CFAP251: variants seen among roughly 807,000 people sequenced by gnomAD.
CFAP251 encodes the protein cilia- and flagella-associated protein 251.
CFAP251 carries 93 observed loss-of-function variants against 126.7 expected under a neutral mutation model. The ratio of observed to expected loss-of-function variants is 0.73; its 90% CI spans 0.62 to 0.87. The LOEUF is 0.87. Among genes scored for constraint, CFAP251 ranks in the 40% least tolerant of loss-of-function variants. The pLI is 0.00. For synonymous variants in CFAP251, 503 were observed against 506.9 expected (o/e 0.99, Z 0.10); for missense variants, 1,287 against 1,389.2 (o/e 0.93, Z 1.17).
intron 13 of CFAP251, chr12:121,959,449 A>C: frequency 5.5e-6 from 1 of 182,338 alleles, no homozygotes; most frequent in Non-Finnish European, 1.1e-5. Context: ...GTCTTCGCTA[A>C]ACTCCTGTCC....
intron 5 of CFAP251, among the ~76,000 whole-genome samples, chr12:121,941,221 G>A (rs1222159472): frequency 6.6e-5 from 10 of 151,486 alleles, no homozygotes; most frequent in Admixed American, 5.3e-4. Context: ...TAGTAGAGAC[G>A]GGGTTTCACC....
At chr12:121,967,211 A>T (rs1045075873) in intron 16 of CFAP251, 142 bp downstream of exon 16, 4 of 697,168 alleles carry the variant, frequency 5.7e-6, no homozygotes, top group East Asian at 5.5e-5. Context: ...TGTGATACTG[A>T]AAATTGCCCT....
intron 10 of CFAP251, among the ~76,000 whole-genome samples, chr12:121,956,187 C>T (rs1312659453): frequency 2.0e-5 from 3 of 152,214 alleles, no homozygotes; most frequent in African/African-American, 4.8e-5. Context: ...TTTATGATCA[C>T]ACTAACAGTA....
At position 121,924,003 on chromosome 12, in the gene CFAP251, C is replaced by A. The variant is rs770968035; in HGVS notation, c.747+13C>A. On this transcript the variant is annotated intron_variant, in intron 3 of 21. Coordinates refer to ENST00000288912, the MANE Select transcript of CFAP251 (RefSeq NM_144668.6). ...GGTGTATCCCTTGGTAAGTGTAATG[C>A]TTTTAAATCTCCCCCAGTGCTTTTG... 6.6e-7 allele frequency: 1 copy of A among 1,511,108 alleles called. No individual in the cohort carries two copies. Among genetic ancestry groups the A allele is most frequent in the Non-Finnish European group, 8.8e-7 (1 of 1,138,636 alleles). The allele number at this position is 1,511,108 out of a possible 1,614,324, so 93.6% of individuals were successfully genotyped here. A position where few individuals can be genotyped will look rare whatever the true frequency, so the allele number is the denominator to read the frequency against.
In CFAP251 at chr12:121,979,700, G is replaced by T. The variant is rs543354004; in HGVS notation, c.3006+4015G>T. 5.5e-4 allele frequency among the ~76,000 whole-genome samples: 84 copies of T among 151,476 alleles called. 1 individual carries two copies. Among genetic ancestry groups the T allele is most frequent in the Non-Finnish European group, 6.0e-4 (41 of 67,910 alleles). ...CTGCCTCAGCCTCCCGAGTAACTGG[G>T]ATTACAGGCATGCACCACCATGCCT... On this transcript the variant is annotated intron_variant, in intron 19 of 21. Transcript: ENST00000288912.
In CFAP251 at chr12:121,942,900, A is replaced by G. The variant is rs763991702; in HGVS notation, c.1116A>G (p.Val372=). 5.7e-5 allele frequency: 92 copies of G among 1,614,154 alleles called. 2 individuals carry two copies. In the South Asian group the frequency reaches 9.8e-4, roughly 17 times the overall value. ...ATISDAEVQK[V]CIWKWTLAVE... is the part of the protein sequence containing the mutation. ...CTCTCTACTGTCACCTACAGAAGGTATGCATCTGGAAGTGGACTTTGGCAG... is the reference window on the plus strand; with the variant it reads ...CTCTCTACTGTCACCTACAGAAGGTGTGCATCTGGAAGTGGACTTTGGCAG... The change falls in exon 7 of 22, where the codon GTA becomes GTG. Residue 372 remains valine (V), a synonymous_variant. Coordinates refer to ENST00000288912, the MANE Select transcript of CFAP251 (RefSeq NM_144668.6).
In CFAP251 at chr12:121,964,145, T is replaced by TTTGTTGTTG. The variant is rs10581852; in HGVS notation, c.2492+2009_2492+2017dup. Among the ~76,000 whole-genome samples, 432 of 149,876 alleles carry TTTGTTGTTG rather than the reference T, an allele frequency of 2.9e-3. 2 individuals carry two copies. Among genetic ancestry groups the TTTGTTGTTG allele is most frequent in the African/African-American group, 9.8e-3 (401 of 40,722 alleles). On this transcript the variant is annotated intron_variant, in intron 15 of 21. Coordinates refer to ENST00000288912, the MANE Select transcript of CFAP251 (RefSeq NM_144668.6). ...CTCAAAAGGCCAGGACCACCCGGGA[T>TTTGTTGTTG]TTGTTGTTGTTGTTGTTGTTGTTGT...
chr12:121,927,035 A>G (rs144946244), intron 3 of CFAP251, among the ~76,000 whole-genome samples: 9 of 152,292 alleles, frequency 5.9e-5, no homozygotes, highest in African/African-American at 2.2e-4. Flanking sequence ...TTCTTCCTAC[A>G]CACACCCCCA....
At chr12:121,944,332 A>T (rs1312458041) in intron 7 of CFAP251, among the ~76,000 whole-genome samples, 3 of 151,890 alleles carry the variant, frequency 2.0e-5, no homozygotes, top group Admixed American at 6.6e-5. Flanking sequence ...CTCCTAAAAA[A>T]TTTTTTCTTT....
chr12:121,943,573 C>A (rs1881210614), intron 7 of CFAP251, among the ~76,000 whole-genome samples: 1 of 152,002 alleles, frequency 6.6e-6, no homozygotes, highest in African/African-American at 2.4e-5. Flanking sequence ...CAGGCACGTG[C>A]CACCACGCCT....
rs1338102793 is a variant in CFAP251 at position 121,962,178 on chromosome 12, T to G, written c.2492+16T>G. The G allele has an allele frequency of 6.2e-7, 1 of 1,609,638 alleles. No individual in the cohort carries two copies. Among genetic ancestry groups the G allele is most frequent in the African/African-American group, 1.3e-5 (1 of 74,824 alleles). ...AAATGTGCAGGTAAGCACCCGGAGC[T>G]TCCCATTGCAGGGGGCGTGGATCAA... On this transcript the variant is annotated intron_variant, in intron 15 of 21. Transcript: ENST00000288912.
chr12:121,991,675 A>C (rs1882877771), intron 19 of CFAP251, among the ~76,000 whole-genome samples: 1 of 151,922 alleles, frequency 6.6e-6, no homozygotes, highest in South Asian at 2.1e-4. Flanking sequence ...AGAAGCTTCC[A>C]AAAATTTGGT....
chr12:121,965,012 G>A (rs1001085183), intron 15 of CFAP251, among the ~76,000 whole-genome samples: 1 of 152,166 alleles, frequency 6.6e-6, no homozygotes, highest in Non-Finnish European at 1.5e-5. Context: ...CATCATTCCA[G>A]AATAAAAGCC....
chr12:121,942,746 T>G, intron 6 of CFAP251, 101 bp downstream of exon 6: 2 of 1,246,286 alleles, frequency 1.6e-6, no homozygotes, highest in Non-Finnish European at 2.3e-6. Context: ...GTGATGTCTG[T>G]GATATTCTCA....
At position 121,942,907 on chromosome 12, in the gene CFAP251, T is replaced by C; in HGVS notation, c.1123T>C (p.Trp375Arg). ...CTGTCACCTACAGAAGGTATGCATC[T>C]GGAAGTGGACTTTGGCAGTGGAAAC... ...SDAEVQKVCI[W>R]KWTLAVETPA... The change falls in exon 7 of 22, where the codon TGG becomes CGG. Residue 375 changes from tryptophan (W) to arginine (R), a missense_variant. Trp to Arg is a moderately radical substitution (Grantham distance 101, BLOSUM62 -3). Transcript: ENST00000288912. The C allele has an allele frequency of 1.9e-6, 3 of 1,614,212 alleles. No homozygotes were observed. Among genetic ancestry groups the C allele is most frequent in the Non-Finnish European group, 2.5e-6 (3 of 1,180,040 alleles).
intron 5 of CFAP251, among the ~76,000 whole-genome samples, chr12:121,936,665 A>G (rs977622748): frequency 2.6e-5 from 4 of 152,022 alleles, no homozygotes; most frequent in Non-Finnish European, 5.9e-5. Flanking sequence ...GTGGGATGTG[A>G]CATGCTGTAA....
Position 121,932,005 on chromosome 12 carries a change from TG to T in CFAP251, c.888+121del, listed in dbSNP as rs530371813. 293 of 1,056,114 alleles carry T rather than the reference TG, an allele frequency of 2.8e-4. 2 individuals carry two copies. In the East Asian group the frequency reaches 8.3e-3, roughly 30 times the overall value. The allele number at this position is 1,056,114 out of a possible 1,614,324, so 65.4% of individuals were successfully genotyped here. A position where few individuals can be genotyped will look rare whatever the true frequency, so the allele number is the denominator to read the frequency against. On this transcript the variant is annotated intron_variant, in intron 4 of 21. Coordinates refer to ENST00000288912, the MANE Select transcript of CFAP251 (RefSeq NM_144668.6). ...CACTGTCGTATTTTCCCACTCTCCT[TG>T]GAACTAAAAGCAAGCCTGTCTTTAG...
In CFAP251 at chr12:121,954,079, A is replaced by G. The variant is rs778578012; in HGVS notation, c.1321-41A>G. ...CGTATTGATAAATGCTTTGTTTTAT[A>G]TTTATTACCAACAGTAACTATAACC... On this transcript the variant is annotated intron_variant, in intron 9 of 21. Transcript: ENST00000288912. 22 of 1,528,042 alleles carry G rather than the reference A, an allele frequency of 1.4e-5. No homozygotes were observed. In the South Asian group the frequency reaches 1.8e-4, roughly 13 times the overall value. 94.7% of individuals were successfully genotyped at this position (1,528,042 alleles called of 1,614,324 possible).
chr12:121,957,207 C>T lies in CFAP251; in HGVS notation c.1669C>T (p.Pro557Ser). 6.2e-7 allele frequency: 1 copy of T among 1,614,082 alleles called. No individual in the cohort carries two copies. Among genetic ancestry groups the T allele is most frequent in the Non-Finnish European group, 8.5e-7 (1 of 1,180,000 alleles). ...LSFSKTPATP[P>S]TEKSNYPPDC... ...CTTTTCAAAGACCCCAGCAACTCCT[C>T]CTACTGAAAAATCAAACTATCCTCC... The change falls in exon 11 of 22, where the codon CCT becomes TCT. Residue 557 changes from proline to serine, a missense_variant. Pro to Ser is a moderately conservative substitution (Grantham distance 74). Transcript: ENST00000288912.
Sources: allele counts gnomAD v4.1 joint callset (sites outside exome capture counted in the v4.1 genomes callset), GRCh38; gene constraint gnomAD v4.1.1; transcripts MANE v1.5; gene names NCBI Gene and HGNC (gene_info 2026-07-23, HGNC 2026-07-21).